The following RAPGEF1 variants were observed in gnomAD, a reference collection of about 807,000 sequenced individuals.
RAPGEF1 encodes CRK SH3-binding GNRP.
RAPGEF1 carries 33 observed loss-of-function variants against 143.3 expected under a neutral mutation model. That is an observed-to-expected ratio of 0.23 (90% CI 0.17 to 0.31). The LOEUF (loss-of-function observed/expected upper bound fraction) is 0.31. Among genes scored for constraint, RAPGEF1 ranks in the 10% least tolerant of loss-of-function variants. The probability of loss-of-function intolerance (pLI) is 1.00; values close to 1 mark genes in which losing one functional copy is unlikely to be tolerated. For synonymous variants in RAPGEF1, 629 were observed against 676.5 expected, an observed-to-expected ratio of 0.93 and a Z score of 1.09; for missense variants, 1,199 against 1,645.4, an observed-to-expected ratio of 0.73 and a Z score of 4.69.
intron 1 of RAPGEF1, among the ~76,000 whole-genome samples, chr9:131,696,119 T>TC (rs201069521): frequency 6.6e-6 from 1 of 151,506 alleles, no homozygotes; most frequent in Non-Finnish European, 1.5e-5. Flanking sequence ...ACAGCTGGTC[T>TC]CCCCCCAGAG....
intron 12 of RAPGEF1, among the ~76,000 whole-genome samples, chr9:131,615,407 A>C (rs1473777124): frequency 2.0e-5 from 3 of 152,190 alleles, no homozygotes; most frequent in Non-Finnish European, 4.4e-5. Context: ...CCAACCCTGC[A>C]GCACCGGCAG....
rs565776906 is a variant in RAPGEF1 at position 131,614,147 on chromosome 9, C to A, written c.2061+4904G>T. Among the ~76,000 whole-genome samples the A allele has an allele frequency of 4.5e-4, 68 of 152,162 alleles. No individual in the cohort carries two copies. In the South Asian group the frequency reaches 0.013, roughly 30 times the overall value. On this transcript the variant is annotated intron_variant, in intron 12 of 26. Transcript: ENST00000683357. ...ACCAGTGTGTGCACCAACACCCCCC[C>A]CCAAGGAGGGGCTGCCTTGAGAAAC...
At chr9:131,586,669 C>A (rs1588191496) in intron 22 of RAPGEF1, among the ~76,000 whole-genome samples, 1 of 126,270 alleles carries the variant, frequency 7.9e-6, no homozygotes, top group Admixed American at 7.6e-5. Context: ...CACACACACA[C>A]CCCTGCAGAG....
At chr9:131,610,705 C>T (rs922245769) in intron 12 of RAPGEF1, among the ~76,000 whole-genome samples, 1 of 152,216 alleles carries the variant, frequency 6.6e-6, no homozygotes, top group African/African-American at 2.4e-5. Context: ...TCAGCACTGG[C>T]GCTGGGCTCA....
intron 1 of RAPGEF1, among the ~76,000 whole-genome samples, chr9:131,661,720 T>C (rs759508348): frequency 1.2e-4 from 18 of 152,196 alleles, no homozygotes; most frequent in Non-Finnish European, 2.4e-4. Flanking sequence ...GAAATTCCAT[T>C]CCCTAAAACA....
At chr9:131,652,478 C>G (rs950843210) in intron 1 of RAPGEF1, among the ~76,000 whole-genome samples, 1 of 152,040 alleles carries the variant, frequency 6.6e-6, no homozygotes. Context: ...AAAATATTTT[C>G]TTTCTTTATA....
At position 131,622,714 on chromosome 9, in the gene RAPGEF1, G is replaced by A. The variant is rs542318337; in HGVS notation, c.1703-716C>T. 2.0e-5 allele frequency among the ~76,000 whole-genome samples: 3 copies of A among 151,928 alleles called. No homozygotes were observed. The South Asian group carries it at 6.2e-4, about 32-fold the overall frequency. On this transcript the variant is annotated intron_variant, in intron 10 of 26. Transcript: ENST00000683357. Reference sequence around the variant, plus strand: ...CAGGAAGAAATGGTTCCCCTCTGAGGTCAGCTGCTGCTACTGAAAGGGCAG... The same window carrying A: ...CAGGAAGAAATGGTTCCCCTCTGAGATCAGCTGCTGCTACTGAAAGGGCAG...
At chr9:131,683,498 TCTC>T (rs932484727) in intron 1 of RAPGEF1, among the ~76,000 whole-genome samples, 2 of 152,214 alleles carry the variant, frequency 1.3e-5, no homozygotes, top group African/African-American at 4.8e-5. Context: ...AGGATTGCCT[TCTC>T]CTGTTATAAT....
In RAPGEF1 at chr9:131,614,055, G is replaced by C. The variant is rs533390132; in HGVS notation, c.2061+4996C>G. ...GCCTCAAGGGGGCTTCACAACATGG[G>C]GACAGCGGCACAGTCCTTTTCCCCA... On this transcript the variant is annotated intron_variant, in intron 12 of 26. Transcript: ENST00000683357. 7.9e-5 allele frequency among the ~76,000 whole-genome samples: 12 copies of C among 152,274 alleles called. No homozygotes were observed. The East Asian group carries it at 2.3e-3, about 29-fold the overall frequency.
chr9:131,587,861 G>C (rs1953432871), intron 21 of RAPGEF1, 31 bp from the exon 22 acceptor site: 2 of 1,607,236 alleles, frequency 1.2e-6, no homozygotes, highest in African/African-American at 1.3e-5. Context: ...GATGGAGGTG[G>C]AGCCCCGGCT....
At chr9:131,642,853 A>C (rs927533244) in intron 4 of RAPGEF1, among the ~76,000 whole-genome samples, 7 of 152,312 alleles carry the variant, frequency 4.6e-5, no homozygotes, top group Non-Finnish European at 7.3e-5. Flanking sequence ...CGATGAGTGG[A>C]AACAGTAGCT....
chr9:131,730,697 C>A (rs1457391319), intron 1 of RAPGEF1, among the ~76,000 whole-genome samples: 6 of 80,374 alleles, frequency 7.5e-5, no homozygotes, highest in Non-Finnish European at 9.4e-5. Context: ...GACTCCATCT[C>A]AAAAAAAAAA....
chr9:131,629,575 G>C (rs1239142839), intron 6 of RAPGEF1, among the ~76,000 whole-genome samples: 1 of 152,166 alleles, frequency 6.6e-6, no homozygotes, highest in Admixed American at 6.5e-5. Context: ...CAGATCACTT[G>C]AGGTTAGGAG....
In RAPGEF1 at chr9:131,626,438, G is replaced by T. The variant is rs377766447; in HGVS notation, c.1202-16C>A. ...TCATAGTGGTCTGCAGTTACAACAG[G>T]GGAAAAAGAGACCCGTTAGCCACAG... On this transcript the variant is annotated splice_polypyrimidine_tract_variant and intron_variant, in intron 9 of 26. Transcript: ENST00000683357. 1 of 1,546,192 alleles carries T rather than the reference G, an allele frequency of 6.5e-7. No individual in the cohort carries two copies. Among genetic ancestry groups the T allele is most frequent in the Non-Finnish European group, 8.7e-7 (1 of 1,144,484 alleles).
chr9:131,665,009 A>C (rs1830201342), intron 1 of RAPGEF1, among the ~76,000 whole-genome samples: 1 of 152,198 alleles, frequency 6.6e-6, no homozygotes, highest in South Asian at 2.1e-4. Context: ...AGTTCAAGAG[A>C]AGTGAAGGAG....
At chr9:131,670,699 G>A (rs1453908156) in intron 1 of RAPGEF1, among the ~76,000 whole-genome samples, 1 of 152,236 alleles carries the variant, frequency 6.6e-6, no homozygotes, top group Non-Finnish European at 1.5e-5. Flanking sequence ...AGAGGCCAAA[G>A]TTATACACTG....
intron 1 of RAPGEF1, among the ~76,000 whole-genome samples, chr9:131,696,847 CACA>C (rs1344154503): frequency 6.6e-6 from 1 of 152,152 alleles, no homozygotes; most frequent in African/African-American, 2.4e-5. Context: ...ACAATATAAA[CACA>C]ACAACATGTG....
At chr9:131,666,706 C>A (rs1588904722) in intron 1 of RAPGEF1, among the ~76,000 whole-genome samples, 1 of 152,160 alleles carries the variant, frequency 6.6e-6, no homozygotes, top group African/African-American at 2.4e-5. Context: ...TTTTAATTGA[C>A]CCAATTTATC....
Position 131,596,056 on chromosome 9 carries a change from C to T in RAPGEF1, c.2689+242G>A, listed in dbSNP as rs114320570. Among the ~76,000 whole-genome samples the T allele has an allele frequency of 2.8e-3, 430 of 152,226 alleles. 1 individual carries two copies. The highest frequency in any genetic ancestry group is 9.4e-3 in the African/African-American group (392 of 41,544). The stretch of plus-strand genomic sequence containing the variant: ...GTATGCGCTGAGCCCCTCAAGGACC[C>T]TGGAGGCCCTGGGGTCACTACCTTG... On this transcript the variant is annotated intron_variant, in intron 17 of 26. Coordinates refer to ENST00000683357, the MANE Select transcript of RAPGEF1 (RefSeq NM_001377935.1).
Sources: gnomAD v4.1 joint callset for allele counts (sites outside exome capture counted in the v4.1 genomes callset) on GRCh38, gnomAD v4.1.1 for gene constraint, MANE v1.5 for transcripts, NCBI Gene and HGNC (gene_info 2026-07-23, HGNC 2026-07-21) for gene names.